Variants in GNAQ observed in about 807,000 individuals in gnomAD.
The protein encoded by GNAQ is guanine nucleotide-binding protein G(q) subunit alpha.
In GNAQ, 8 loss-of-function variants were observed where a neutral mutation model predicts 43.9. The observed-to-expected ratio is 0.18, with a 90% CI of 0.11 to 0.33. GNAQ has a LOEUF of 0.33. Among genes scored for constraint, GNAQ ranks in the 10% least tolerant of loss-of-function variants. GNAQ has a pLI of 1.00. For synonymous variants in GNAQ, 155 were observed against 170.7 expected, an observed-to-expected ratio of 0.91 and a Z score of 0.71; for missense variants, 158 against 450.8, an observed-to-expected ratio of 0.35 and a Z score of 5.88.
At chr9:77,998,077 T>C (rs1038991898) in intron 1 of GNAQ, among the ~76,000 whole-genome samples, 5 of 152,068 alleles carry the variant, frequency 3.3e-5, no homozygotes, top group African/African-American at 1.2e-4. Flanking sequence ...CACGCGCGCA[T>C]GTACACACAC....
intron 2 of GNAQ, among the ~76,000 whole-genome samples, chr9:77,898,147 GCTC>G (rs1828533332): frequency 1.3e-5 from 2 of 152,048 alleles, no homozygotes; most frequent in Non-Finnish European, 2.9e-5. Flanking sequence ...GATAATCCAG[GCTC>G]TTCTCCCTCT....
intron 1 of GNAQ, among the ~76,000 whole-genome samples, chr9:77,950,905 A>C (rs1304687926): frequency 6.6e-6 from 1 of 152,116 alleles, no homozygotes; most frequent in African/African-American, 2.4e-5. Flanking sequence ...TAAAAATACT[A>C]TATTGTCATT....
At chr9:77,807,056 G>C (rs978052598) in intron 3 of GNAQ, among the ~76,000 whole-genome samples, 3 of 152,154 alleles carry the variant, frequency 2.0e-5, no homozygotes, top group African/African-American at 7.2e-5. Context: ...TGACAAGGAT[G>C]ATCAGGTCTG....
chr9:77,823,513 T>A (rs557484929), intron 2 of GNAQ, among the ~76,000 whole-genome samples: 1 of 152,248 alleles, frequency 6.6e-6, no homozygotes, highest in Non-Finnish European at 1.5e-5. Context: ...CTCACACTGC[T>A]ATAAAGAACT....
At chr9:77,915,035 T>A (rs554707739) in intron 2 of GNAQ, among the ~76,000 whole-genome samples, 2 of 152,112 alleles carry the variant, frequency 1.3e-5, no homozygotes, top group Non-Finnish European at 2.9e-5. Context: ...GAAAATAATT[T>A]TAATAACAGC....
In GNAQ at chr9:77,937,668, G is replaced by A. The variant is rs537078935; in HGVS notation, c.137-15323C>T. On this transcript the variant is annotated intron_variant, in intron 1 of 6. Transcript: ENST00000286548. The stretch of plus-strand genomic sequence containing the variant: ...AGCACTTTGGGAGGCCAAGGCAGGC[G>A]GATCACCAGAGGTCAGGAGTTCGAA... Among the ~76,000 whole-genome samples the A allele has an allele frequency of 1.2e-4, 19 of 152,162 alleles. No individual in the cohort carries two copies. In the East Asian group the frequency reaches 3.1e-3, roughly 25 times the overall value.
chr9:77,743,717 G>C (rs1399857687), intron 5 of GNAQ, among the ~76,000 whole-genome samples: 1 of 151,954 alleles, frequency 6.6e-6, no homozygotes, highest in African/African-American at 2.4e-5. Flanking sequence ...CTGAGGTTTT[G>C]TGAGTTTATA....
intron 2 of GNAQ, among the ~76,000 whole-genome samples, chr9:77,836,300 T>C (rs1281457167): frequency 6.6e-6 from 1 of 152,170 alleles, no homozygotes; most frequent in Non-Finnish European, 1.5e-5. Context: ...AGGTATTCCC[T>C]AACTGTGCTA....
At chr9:77,894,305 T>C (rs865812692) in intron 2 of GNAQ, among the ~76,000 whole-genome samples, 1 of 56,264 alleles carries the variant, frequency 1.8e-5, no homozygotes, top group Non-Finnish European at 3.8e-5. Flanking sequence ...TTTAATAGAA[T>C]ATATATAATA....
At chr9:77,922,405 C>T (rs1829012435) in intron 1 of GNAQ, 60 bp from the exon 2 acceptor site, 1 of 1,210,624 alleles carries the variant, frequency 8.3e-7, no homozygotes, top group Middle Eastern at 1.9e-4. Context: ...TCTCAGATAA[C>T]TAAACCAAAT....
intron 2 of GNAQ, among the ~76,000 whole-genome samples, chr9:77,878,331 G>C (rs2118054189): frequency 6.6e-6 from 1 of 151,240 alleles, no homozygotes; most frequent in East Asian, 2.0e-4. Context: ...ATGGCAGAAA[G>C]GGAAGGAGAA....
intron 1 of GNAQ, among the ~76,000 whole-genome samples, chr9:77,991,611 T>C (rs1026348674): frequency 2.0e-5 from 3 of 152,184 alleles, no homozygotes; most frequent in Non-Finnish European, 4.4e-5. Flanking sequence ...CAGATGGTTT[T>C]TGGTGATGTA....
intron 2 of GNAQ, among the ~76,000 whole-genome samples, chr9:77,918,380 A>G (rs1437409516): frequency 1.3e-5 from 2 of 152,180 alleles, no homozygotes; most frequent in Admixed American, 1.3e-4. Flanking sequence ...TATTTATTTT[A>G]TATCTTTAGT....
At position 77,896,314 on chromosome 9, in the gene GNAQ, T is replaced by C. The variant is rs1004661692; in HGVS notation, c.321+25847A>G. Among the ~76,000 whole-genome samples the C allele has an allele frequency of 2.0e-5, 3 of 152,162 alleles. 1 individual carries two copies. Among genetic ancestry groups the C allele is most frequent in the African/African-American group, 4.8e-5 (2 of 41,432 alleles). On this transcript the variant is annotated intron_variant, in intron 2 of 6. Transcript: ENST00000286548. The stretch of plus-strand genomic sequence containing the variant: ...CACTCACCAGGAATAATTTCAAACA[T>C]ACATAAAAGTTTGGAGAATTATAAA...
chr9:77,939,508 T>C (rs1308633559), intron 1 of GNAQ, among the ~76,000 whole-genome samples: 1 of 152,152 alleles, frequency 6.6e-6, no homozygotes, highest in Admixed American at 6.5e-5. Context: ...TTTCACCACC[T>C]TGAGATAGTA....
intron 2 of GNAQ, among the ~76,000 whole-genome samples, chr9:77,829,322 C>T (rs1222741515): frequency 1.3e-5 from 2 of 152,142 alleles, no homozygotes; most frequent in South Asian, 4.1e-4. Flanking sequence ...TATTGTTCTT[C>T]TTCACATCCT....
intron 2 of GNAQ, among the ~76,000 whole-genome samples, chr9:77,818,475 G>T (rs1827057053): frequency 6.6e-6 from 1 of 150,796 alleles, no homozygotes; most frequent in African/African-American, 2.4e-5. Flanking sequence ...TTCTGTATGT[G>T]GAAACAATAT....
At chr9:77,752,470 A>C (rs1825826436) in intron 5 of GNAQ, among the ~76,000 whole-genome samples, 1 of 152,194 alleles carries the variant, frequency 6.6e-6, no homozygotes, top group Non-Finnish European at 1.5e-5. Context: ...CTCAGAAATG[A>C]AGCTAGAAGG....
At chr9:78,021,304 G>A (rs962931369) in intron 1 of GNAQ, among the ~76,000 whole-genome samples, 36 of 152,066 alleles carry the variant, frequency 2.4e-4, no homozygotes, top group Middle Eastern at 6.8e-3. Flanking sequence ...GGGATTACAC[G>A]CGTGAACCAC....
Sources: allele counts gnomAD v4.1 joint callset (sites outside exome capture counted in the v4.1 genomes callset), GRCh38; gene constraint gnomAD v4.1.1; transcripts MANE v1.5; gene names NCBI Gene and HGNC (gene_info 2026-07-23, HGNC 2026-07-21).